Variants in LMBRD1 observed in about 807,000 individuals in gnomAD.
The protein encoded by LMBRD1 is lysosomal cobalamin transport escort protein LMBD1.
In LMBRD1, 64 loss-of-function variants were observed where a neutral mutation model predicts 74.8. The ratio of observed to expected loss-of-function variants is 0.86; its 90% CI spans 0.70 to 1.05. The LOEUF (loss-of-function observed/expected upper bound fraction) is 1.05. Among genes scored for constraint, LMBRD1 ranks in the 50% least tolerant of loss-of-function variants. The probability of loss-of-function intolerance (pLI) is 0.00; values close to 1 mark genes in which losing one functional copy is unlikely to be tolerated. For synonymous variants in LMBRD1, 204 were observed against 216.3 expected, an observed-to-expected ratio of 0.94 and a Z score of 0.50; for missense variants, 652 against 645.9, an observed-to-expected ratio of 1.01 and a Z score of -0.10.
chr6:69,745,092 C>T (rs1767190570), intron 5 of LMBRD1, among the ~76,000 whole-genome samples: 1 of 151,930 alleles, frequency 6.6e-6, no homozygotes, highest in Non-Finnish European at 1.5e-5. Context: ...CCTCGGCCTC[C>T]CAAAGTGCTG....
chr6:69,790,497 T>C (rs775491537), intron 1 of LMBRD1, 25 bp from the exon 2 acceptor site: 4 of 1,603,960 alleles, frequency 2.5e-6, no homozygotes, highest in East Asian at 2.2e-5. Context: ...AAAGAGATGT[T>C]TGTTACTACC....
intron 7 of LMBRD1, 77 bp from the exon 8 acceptor site, chr6:69,719,158 T>C (rs1034236046): frequency 2.8e-6 from 4 of 1,409,646 alleles, no homozygotes; most frequent in Admixed American, 1.9e-5. Context: ...TAAAAATGTC[T>C]TTTAAAGTCA....
At chr6:69,730,034 G>T (rs1766821846) in intron 7 of LMBRD1, among the ~76,000 whole-genome samples, 1 of 150,728 alleles carries the variant, frequency 6.6e-6, no homozygotes, top group Non-Finnish European at 1.5e-5. Flanking sequence ...GCCCTCTAGT[G>T]AATTTCCAGA....
intron 9 of LMBRD1, among the ~76,000 whole-genome samples, chr6:69,712,506 T>C (rs1197151173): frequency 6.6e-6 from 1 of 151,522 alleles, no homozygotes; most frequent in African/African-American, 2.4e-5. Context: ...GATAAATTCA[T>C]AAAGAAAATG....
chr6:69,687,240 C>CAT (rs1765782106), intron 14 of LMBRD1, among the ~76,000 whole-genome samples: 1 of 152,154 alleles, frequency 6.6e-6, no homozygotes, highest in South Asian at 2.1e-4. Flanking sequence ...TCTTTAAAGT[C>CAT]ATGTCACCTT....
chr6:69,731,822 G>A (rs1766865082), intron 7 of LMBRD1, among the ~76,000 whole-genome samples: 1 of 151,702 alleles, frequency 6.6e-6, no homozygotes, highest in Non-Finnish European at 1.5e-5. Context: ...AACCATCTGT[G>A]TCGTATAGTA....
chr6:69,783,243 C>A (rs1220656114), intron 2 of LMBRD1, among the ~76,000 whole-genome samples: 1 of 152,174 alleles, frequency 6.6e-6, no homozygotes, highest in Non-Finnish European at 1.5e-5. Flanking sequence ...TGTGCAATGA[C>A]TGAAAATTTT....
In LMBRD1 at chr6:69,674,635, G is replaced by A. The variant is rs1258254347; in HGVS notation, c.*1523C>T. Among the ~76,000 whole-genome samples, 2 of 152,212 alleles carry A rather than the reference G, an allele frequency of 1.3e-5. No individual in the cohort carries two copies. The highest frequency in any genetic ancestry group is 4.8e-5 in the African/African-American group (2 of 41,462). On this transcript the variant is annotated 3_prime_UTR_variant, in exon 16 of 16. Coordinates refer to ENST00000649934, the MANE Select transcript of LMBRD1 (RefSeq NM_018368.4). ...CTCAAAGTTCAGAGCTTAAGAACAAGTAGTATAGATAGAAGCCAAGGGTAT... is the reference window on the plus strand; with the variant it reads ...CTCAAAGTTCAGAGCTTAAGAACAAATAGTATAGATAGAAGCCAAGGGTAT...
chr6:69,687,295 T>C (rs909848847), intron 14 of LMBRD1, among the ~76,000 whole-genome samples: 2 of 152,146 alleles, frequency 1.3e-5, no homozygotes, highest in African/African-American at 4.8e-5. Context: ...TTTCAAACCA[T>C]TCCTCCTTCT....
intron 3 of LMBRD1, among the ~76,000 whole-genome samples, chr6:69,774,774 A>T (rs1324116804): frequency 1.3e-5 from 2 of 151,870 alleles, no homozygotes; most frequent in Non-Finnish European, 2.9e-5. Context: ...CAGAACTCAA[A>T]ACTCACACGA....
intron 3 of LMBRD1, among the ~76,000 whole-genome samples, chr6:69,764,459 A>G (rs1278781352): frequency 6.6e-6 from 1 of 152,144 alleles, no homozygotes; most frequent in Non-Finnish European, 1.5e-5. Context: ...TGAGAAATAC[A>G]TGTTCGTTAA....
At chr6:69,699,309 CAAAGT>C in intron 12 of LMBRD1, 117 bp from the exon 13 acceptor site, 1 of 892,582 alleles carries the variant, frequency 1.1e-6, no homozygotes, top group South Asian at 1.5e-5. Flanking sequence ...ATTTTTCTTC[CAAAGT>C]AAATACTAAA....
chr6:69,707,793 C>G (rs1766293846), intron 9 of LMBRD1, among the ~76,000 whole-genome samples: 1 of 151,960 alleles, frequency 6.6e-6, no homozygotes, highest in South Asian at 2.1e-4. Context: ...AATAGGCAAA[C>G]TGATGGAGAG....
intron 14 of LMBRD1, among the ~76,000 whole-genome samples, chr6:69,693,228 C>T (rs2502564): frequency 0.32 from 49,179 of 151,822 alleles, 9,235 homozygotes; most frequent in Non-Finnish European, 0.42. Flanking sequence ...GTAAGATAGG[C>T]ATTCTTTTTA....
chr6:69,748,922 T>G (rs75213621), intron 5 of LMBRD1, among the ~76,000 whole-genome samples: 9,823 of 152,162 alleles, frequency 0.065, 461 homozygotes, highest in Middle Eastern at 0.23. Flanking sequence ...TATAAATGTC[T>G]AAGCAGTCAT....
At chr6:69,716,768 A>T (rs978969841) in intron 8 of LMBRD1, among the ~76,000 whole-genome samples, 1 of 151,924 alleles carries the variant, frequency 6.6e-6, no homozygotes, top group African/African-American at 2.4e-5. Context: ...GGCCATTAAC[A>T]ATGTGCCATA....
chr6:69,752,273 T>C lies in LMBRD1; in HGVS notation c.391A>G (p.Thr131Ala). ...AAGATACTTACAGTACATTTACTAG[T>C]ATCATCATCATCCTTTTCTTCATAA... is the stretch of plus-strand genomic sequence containing the variant. The part of the protein sequence containing the change: ...FYYEEKDDDD[T>A]SKCTQIKTAL... Residue 131 changes from threonine to alanine, a missense_variant, in exon 4 of 16, where the codon ACT (threonine) becomes GCT (alanine). Transcript: ENST00000649934. 6.2e-7 allele frequency: 1 copy of C among 1,610,182 alleles called. No homozygotes were observed. The highest frequency in any genetic ancestry group is 1.1e-5 in the South Asian group (1 of 90,976).
chr6:69,790,590 G>T, intron 1 of LMBRD1, 118 bp from the exon 2 acceptor site: 1 of 1,006,748 alleles, frequency 9.9e-7, no homozygotes, highest in Non-Finnish European at 1.5e-6. Flanking sequence ...TTTTAGTTGT[G>T]TAAGGAAAGC....
intron 2 of LMBRD1, among the ~76,000 whole-genome samples, chr6:69,781,290 C>T (rs1007857780): frequency 5.3e-5 from 8 of 152,126 alleles, no homozygotes; most frequent in Non-Finnish European, 8.8e-5. Context: ...AACTAAGGTA[C>T]AATGTCAAGC....
Sources: gnomAD v4.1 joint callset for allele counts (sites outside exome capture counted in the v4.1 genomes callset) on GRCh38, gnomAD v4.1.1 for gene constraint, MANE v1.5 for transcripts, NCBI Gene and HGNC (gene_info 2026-07-23, HGNC 2026-07-21) for gene names.